The following CHST7 variants were observed in gnomAD, a reference collection of about 807,000 sequenced individuals.
The protein encoded by CHST7 is carbohydrate sulfotransferase 7, also known as N-acetylglucosamine 6-O-sulfotransferase 4.
CHST7 carries 5 observed loss-of-function variants against 9.0 expected under a neutral mutation model. The observed-to-expected ratio is 0.56, with a 90% CI of 0.29 to 1.17. The LOEUF is 1.17. CHST7 is among the 50% of genes most tolerant of loss of function. CHST7 has a pLI of 0.08. For synonymous variants in CHST7, 244 were observed against 237.1 expected (o/e 1.03, Z -0.27); for missense variants, 377 against 485.1 (o/e 0.78, Z 2.09).
At chrX:46,576,129 C>T (rs1386103091) in intron 1 of CHST7, among the ~76,000 whole-genome samples, 1 of 109,118 alleles carries the variant, frequency 9.2e-6, no homozygotes. Context: ...GTGCGCCTCT[C>T]TGTCTCCCCT....
intron 1 of CHST7, among the ~76,000 whole-genome samples, chrX:46,590,899 A>C (rs1225931450): frequency 8.9e-6 from 1 of 111,920 alleles, no homozygotes; most frequent in Non-Finnish European, 1.9e-5. Flanking sequence ...CATCTCTATA[A>C]TTGTGTTATT....
intron 1 of CHST7, among the ~76,000 whole-genome samples, chrX:46,590,487 A>G (rs1474569975): frequency 9.0e-6 from 1 of 110,982 alleles, no homozygotes; most frequent in Non-Finnish European, 1.9e-5. Flanking sequence ...GGATTACTTG[A>G]GCCCAGGAAT....
chrX:46,584,384 A>G (rs1354738026), intron 1 of CHST7, among the ~76,000 whole-genome samples: 2 of 105,322 alleles, frequency 1.9e-5, no homozygotes, highest in African/African-American at 7.1e-5. Context: ...CTAAAAATAT[A>G]AAATTAGCCA....
intron 1 of CHST7, among the ~76,000 whole-genome samples, chrX:46,577,123 C>CTTTTT (rs34822854): frequency 1.4e-4 from 10 of 69,386 alleles, no homozygotes; most frequent in African/African-American, 1.6e-4. Context: ...GAAACTTTTG[C>CTTTTT]TTTTTTTTTT....
Position 46,575,150 on chromosome X carries a change from A to G in CHST7, c.1219A>G (p.Asn407Asp). The G allele has an allele frequency of 9.1e-7, 1 of 1,097,113 alleles. No homozygotes were observed. Among genetic ancestry groups the G allele is most frequent in the Middle Eastern group, 3.1e-4 (1 of 3,230 alleles). The allele number at this position is 1,097,113 out of a possible 1,213,427, so 90.4% of individuals were successfully genotyped here. ...CGCAGCGCTCGATGCCTTCGCGCTC[A>G]ACATGACTCGCGGCGCGGCCTACGG... ...ALAALDAFAL[N>D]MTRGAAYGAD... Residue 407 changes from asparagine to aspartate, a missense_variant, in exon 1 of 2, where the codon AAC becomes GAC. By Grantham distance (23) the Asn-to-Asp change is conservative. Transcript: ENST00000276055.
intron 1 of CHST7, among the ~76,000 whole-genome samples, chrX:46,576,811 C>T (rs1001368558): frequency 8.9e-6 from 1 of 112,415 alleles, no homozygotes; most frequent in African/African-American, 3.2e-5. Flanking sequence ...TGTTACAGAA[C>T]CAGGGTTTCA....
intron 1 of CHST7, among the ~76,000 whole-genome samples, chrX:46,592,025 T>C (rs1448723097): frequency 2.7e-5 from 3 of 112,283 alleles, no homozygotes; most frequent in Admixed American, 9.5e-5. Context: ...GCTTCATCCA[T>C]GTCCCAGCAA....
At chrX:46,593,123 A>G (rs1221045229) in intron 1 of CHST7, among the ~76,000 whole-genome samples, 1 of 110,890 alleles carries the variant, frequency 9.0e-6, no homozygotes, top group Non-Finnish European at 1.9e-5. Flanking sequence ...TGAATGTTCC[A>G]TGTATACCTA....
chrX:46,595,908 C>T lies in CHST7; in HGVS notation c.*32-1852C>T, dbSNP rs1413970728. Among the ~76,000 whole-genome samples the T allele has an allele frequency of 5.4e-5, 6 of 111,180 alleles. No individual in the cohort carries two copies. In the East Asian group the frequency reaches 1.4e-3, roughly 26 times the overall value. ...ATCCTAGCACTTTGGGAGGCTGAGG[C>T]GGGCTGATCACCTGGGGTGAGGAGT... is the stretch of plus-strand genomic sequence containing the variant. On this transcript the variant is annotated intron_variant, in intron 1 of 1. Coordinates refer to ENST00000276055, the MANE Select transcript of CHST7 (RefSeq NM_019886.4).
intron 1 of CHST7, among the ~76,000 whole-genome samples, chrX:46,597,523 A>G (rs1942600668): frequency 1.8e-5 from 2 of 112,081 alleles, no homozygotes; most frequent in Admixed American, 1.9e-4. Context: ...AAGCGCAGCC[A>G]TGCTAACAGA....
intron 1 of CHST7, among the ~76,000 whole-genome samples, chrX:46,594,888 G>A (rs1236285913): frequency 9.0e-6 from 1 of 111,463 alleles, no homozygotes; most frequent in African/African-American, 3.3e-5. Context: ...ATGCATGATA[G>A]ATCATTTATT....
At chrX:46,591,825 C>T (rs886279923) in intron 1 of CHST7, among the ~76,000 whole-genome samples, 1 of 110,654 alleles carries the variant, frequency 9.0e-6, no homozygotes, top group Non-Finnish European at 1.9e-5. Context: ...GGTTTTAAGC[C>T]CCGCGTGCAT....
Position 46,574,726 on chromosome X carries a change from T to C in CHST7, c.795T>C (p.Arg265=). The C allele has an allele frequency of 8.3e-7, 1 of 1,209,715 alleles. No individual in the cohort carries two copies. The highest frequency in any genetic ancestry group is 3.0e-5 in the East Asian group (1 of 33,742). Residue 265 remains arginine, a synonymous_variant, in exon 1 of 2, where the codon CGT becomes CGC. Transcript: ENST00000276055. The part of the protein sequence containing the change: ...LDLGVLVPLL[R]DPGLNLKVVQ... ...TGGGCGTGCTGGTGCCCCTGTTGCG[T>C]GATCCAGGCCTCAACCTGAAGGTGG...
chrX:46,595,866 G>A (rs1311302229), intron 1 of CHST7, among the ~76,000 whole-genome samples: 2 of 111,577 alleles, frequency 1.8e-5, no homozygotes, highest in African/African-American at 3.3e-5. Flanking sequence ...GGCTGGGCGC[G>A]GTGGCTCACA....
At position 46,573,794 on chromosome X, in the gene CHST7, T is replaced by G. The variant is rs1400778607; in HGVS notation, c.-138T>G. 1 of 972,037 alleles carries G rather than the reference T, an allele frequency of 1.0e-6. No individual in the cohort carries two copies. The highest frequency in any genetic ancestry group is 2.0e-5 in the African/African-American group (1 of 49,492). 80.1% of individuals were successfully genotyped at this position (972,037 alleles called of 1,213,427 possible). A position where few individuals can be genotyped will look rare whatever the true frequency, so the allele number is the denominator to read the frequency against. ...GCACCACCGCCTTCCAAGTTTCCCC[T>G]TGTGGATGCGCGGCCCCGCGGCTCT... On this transcript the variant is annotated 5_prime_UTR_variant, in exon 1 of 2. Coordinates refer to ENST00000276055, the MANE Select transcript of CHST7 (RefSeq NM_019886.4).
At position 46,576,247 on chromosome X, in the gene CHST7, T is replaced by C. The variant is rs375144903; in HGVS notation, c.*31+824T>C. Among the ~76,000 whole-genome samples, 28 of 105,983 alleles carry C rather than the reference T, an allele frequency of 2.6e-4. No homozygotes were observed. In the South Asian group the frequency reaches 0.013, roughly 48 times the overall value. 92.0% of individuals were successfully genotyped at this position (105,983 alleles called of 115,157 possible). A position where few individuals can be genotyped will look rare whatever the true frequency, so the allele number is the denominator to read the frequency against. On this transcript the variant is annotated intron_variant, in intron 1 of 1. Transcript: ENST00000276055. ...CCCTGTAGCTGGCGTTTGCAGGATA[T>C]TTGACCATATCCCATTCACATCAGG...
chrX:46,575,272 GGCCGCCT>G lies in CHST7; in HGVS notation c.1344_1350del (p.Ala449LeufsTer80). 9.0e-7 allele frequency: 1 copy of G among 1,107,290 alleles called. No homozygotes were observed. The highest frequency in any genetic ancestry group is 1.2e-6 in the Non-Finnish European group (1 of 848,897). The allele number at this position is 1,107,290 out of a possible 1,213,427, so 91.3% of individuals were successfully genotyped here. On this transcript the variant is annotated frameshift_variant, in exon 1 of 2. Transcript: ENST00000276055. LOFTEE classifies it low-confidence loss of function (END_TRUNC). ...GCCGAGAGCAGGTGCGCCAGGTGGA[GGCCGCCT>G]GCGCTCCAGCCATGCGTCTGCTCGC... is the stretch of plus-strand genomic sequence containing the variant.
chrX:46,579,907 G>A (rs1046425599), intron 1 of CHST7, among the ~76,000 whole-genome samples: 8 of 110,685 alleles, frequency 7.2e-5, no homozygotes, highest in Admixed American at 4.8e-4. Context: ...TAGGAGGATC[G>A]CTTGAGCCCA....
intron 1 of CHST7, among the ~76,000 whole-genome samples, chrX:46,587,326 A>C (rs1942554427): frequency 9.1e-6 from 1 of 110,402 alleles, no homozygotes; most frequent in Admixed American, 9.7e-5. Flanking sequence ...AAGTCCAGGC[A>C]AGTTTCTCCC....
Sources: allele counts gnomAD v4.1 joint callset (sites outside exome capture counted in the v4.1 genomes callset), GRCh38; gene constraint gnomAD v4.1.1; transcripts MANE v1.5; gene names NCBI Gene and HGNC (gene_info 2026-07-23, HGNC 2026-07-21).